ITPR1: variants seen among roughly 807,000 people sequenced by gnomAD.
The protein encoded by ITPR1 is inositol 1,4,5-trisphosphate receptor type 1, also known as inositol 1,4,5-trisphosphate-gated calcium channel ITPR1.
In ITPR1, 96 loss-of-function variants were observed where a neutral mutation model predicts 318.4. The observed-to-expected ratio is 0.30, with a 90% CI of 0.26 to 0.36. The LOEUF (loss-of-function observed/expected upper bound fraction) is 0.36. ITPR1 is among the 10% of genes least tolerant of loss of function. The pLI is 1.00. For missense variants in ITPR1, 2,440 were observed against 3,460.2 expected (o/e 0.71, Z 7.40); for synonymous variants, 1,312 against 1,289.9 (o/e 1.02, Z -0.37).
At chr3:4,516,363 G>A (rs967953912) in intron 2 of ITPR1, 113 bp from the exon 3 acceptor site, 2 of 561,470 alleles carry the variant, frequency 3.6e-6, no homozygotes, top group Non-Finnish European at 6.2e-6. Flanking sequence ...ATTTAAATTT[G>A]ACTTTTAAGT....
intron 36 of ITPR1, 129 bp downstream of exon 36, chr3:4,703,079 C>G (rs541510678): frequency 2.9e-5 from 30 of 1,027,938 alleles, no homozygotes; most frequent in East Asian, 7.9e-5. Flanking sequence ...CAGAGCCAGA[C>G]CCGGAACCAA....
intron 47 of ITPR1, among the ~76,000 whole-genome samples, chr3:4,776,743 A>T (rs1320299065): frequency 1.3e-5 from 2 of 152,218 alleles, no homozygotes; most frequent in African/African-American, 2.4e-5. Context: ...TTCTCTGCCA[A>T]ATAGGGGCCT....
At chr3:4,698,741 T>G (rs2094597368) in intron 34 of ITPR1, among the ~76,000 whole-genome samples, 1 of 152,258 alleles carries the variant, frequency 6.6e-6, no homozygotes, top group African/African-American at 2.4e-5. Flanking sequence ...TGTCTAGTTT[T>G]AAGGTGAGAA....
rs2094612696 is a variant in ITPR1 at position 4,699,665 on chromosome 3, A to G, written c.4408-148A>G. 4.7e-6 allele frequency: 3 copies of G among 640,988 alleles called. No homozygotes were observed. The East Asian group carries it at 8.5e-5, about 18-fold the overall frequency. The allele number at this position is 640,988 out of a possible 1,614,324, so 39.7% of individuals were successfully genotyped here. On this transcript the variant is annotated intron_variant, in intron 34 of 61. Coordinates refer to ENST00000649015, the MANE Select transcript of ITPR1 (RefSeq NM_001378452.1). ...CTCTTTTTTTCATGATTTATATTTT[A>G]TTATTATGATTCCTTAAGGGGAGAA...
intron 44 of ITPR1, among the ~76,000 whole-genome samples, chr3:4,763,494 G>C (rs913719371): frequency 2.6e-5 from 4 of 152,000 alleles, no homozygotes; most frequent in Admixed American, 2.6e-4. Context: ...ATTTCATCTT[G>C]ACCTCAGAGC....
intron 4 of ITPR1, among the ~76,000 whole-genome samples, chr3:4,580,747 A>G (rs13083200): frequency 0.17 from 26,459 of 152,024 alleles, 2,773 homozygotes; most frequent in African/African-American, 0.29. Flanking sequence ...CAAGCCGCAG[A>G]GGCTGTACTG....
chr3:4,800,369 C>A (rs1204770461), intron 53 of ITPR1, 56 bp from the exon 54 acceptor site: 1 of 1,561,238 alleles, frequency 6.4e-7, no homozygotes, highest in Non-Finnish European at 8.8e-7. Context: ...TTAGGTCTGT[C>A]CCCTGTACTC....
At chr3:4,725,359 C>T (rs2042435327) in intron 40 of ITPR1, among the ~76,000 whole-genome samples, 187 bp from the exon 41 acceptor site, 1 of 152,064 alleles carries the variant, frequency 6.6e-6, no homozygotes, top group African/African-American at 2.4e-5. Flanking sequence ...CAACCACATT[C>T]AGTTTGATTT....
intron 46 of ITPR1, among the ~76,000 whole-genome samples, chr3:4,770,039 C>G (rs2046086081): frequency 6.6e-6 from 1 of 152,166 alleles, no homozygotes; most frequent in Non-Finnish European, 1.5e-5. Flanking sequence ...GCATCTGAAC[C>G]TCTATCTCCT....
chr3:4,760,436 T>C (rs2045356364), intron 44 of ITPR1, among the ~76,000 whole-genome samples: 2 of 152,236 alleles, frequency 1.3e-5, no homozygotes, highest in South Asian at 4.1e-4. Flanking sequence ...ATTATTATTG[T>C]GATATAATTG....
At chr3:4,662,302 AT>A in intron 15 of ITPR1, 60 bp downstream of exon 15, 1 of 1,386,106 alleles carries the variant, frequency 7.2e-7, no homozygotes, top group Admixed American at 2.7e-5. Context: ...TCTGACATCC[AT>A]GGGGTGGAGT....
intron 24 of ITPR1, among the ~76,000 whole-genome samples, chr3:4,679,396 T>G (rs1687691815): frequency 1.3e-5 from 2 of 152,316 alleles, no homozygotes; most frequent in East Asian, 1.9e-4. Flanking sequence ...GTGGTGTGAT[T>G]CAGCCTGAGT....
At chr3:4,636,758 T>C (rs2093204333) in intron 5 of ITPR1, among the ~76,000 whole-genome samples, 1 of 152,254 alleles carries the variant, frequency 6.6e-6, no homozygotes, top group Non-Finnish European at 1.5e-5. Flanking sequence ...GAGAAGTCTT[T>C]AGATATTTAT....
At chr3:4,617,805 G>A (rs9847184) in intron 4 of ITPR1, among the ~76,000 whole-genome samples, 12,166 of 148,636 alleles carry the variant, frequency 0.082, 528 homozygotes, top group African/African-American at 0.093. Context: ...GCAACATGGC[G>A]AAACCTTATT....
chr3:4,700,523 C>T (rs116654145), intron 35 of ITPR1, among the ~76,000 whole-genome samples: 151 of 152,172 alleles, frequency 9.9e-4, no homozygotes, highest in Middle Eastern at 3.4e-3. Flanking sequence ...CGAAAAGGGA[C>T]CTGGAGAGAA....
intron 4 of ITPR1, among the ~76,000 whole-genome samples, chr3:4,528,431 A>C (rs1374989660): frequency 6.6e-6 from 1 of 152,220 alleles, no homozygotes; most frequent in African/African-American, 2.4e-5. Context: ...TAGGGTGGCT[A>C]TAACAAACTC....
intron 4 of ITPR1, among the ~76,000 whole-genome samples, chr3:4,594,317 A>G (rs763043221): frequency 2.6e-5 from 4 of 152,084 alleles, no homozygotes; most frequent in Admixed American, 6.6e-5. Flanking sequence ...TCCCATCGTG[A>G]TGGGCTTTTC....
intron 4 of ITPR1, among the ~76,000 whole-genome samples, chr3:4,619,060 T>G (rs1485718320): frequency 6.6e-6 from 1 of 152,250 alleles, no homozygotes; most frequent in Non-Finnish European, 1.5e-5. Flanking sequence ...TTGAGAATTC[T>G]TTTTAGTCAG....
chr3:4,752,777 G>C (rs553575082), intron 44 of ITPR1, among the ~76,000 whole-genome samples: 52 of 152,318 alleles, frequency 3.4e-4, no homozygotes, highest in African/African-American at 1.2e-3. Context: ...AGAACTACTG[G>C]CTTGTGTCAC....
Sources: allele counts gnomAD v4.1 joint callset (sites outside exome capture counted in the v4.1 genomes callset), GRCh38; gene constraint gnomAD v4.1.1; transcripts MANE v1.5; gene names NCBI Gene and HGNC (gene_info 2026-07-23, HGNC 2026-07-21).